The following KCTD16 variants were observed in gnomAD, a reference collection of about 807,000 sequenced individuals.
KCTD16 encodes the protein BTB/POZ domain-containing protein KCTD16.
Under a neutral mutation model 33.2 loss-of-function variants are expected in KCTD16, and 13 were observed. The observed-to-expected ratio is 0.39, with a 90% CI of 0.25 to 0.62. The LOEUF is 0.62. Among genes scored for constraint, KCTD16 ranks in the 20% least tolerant of loss-of-function variants. KCTD16 has a pLI of 0.50. For missense variants in KCTD16, 441 were observed against 525.1 expected (o/e 0.84, Z 1.57); for synonymous variants, 197 against 195.3 (o/e 1.01, Z -0.07).
At chr5:144,469,747 C>T (rs2126999707) in intron 3 of KCTD16, among the ~76,000 whole-genome samples, 1 of 152,076 alleles carries the variant, frequency 6.6e-6, no homozygotes, top group South Asian at 2.1e-4. Flanking sequence ...ACCTGCACTG[C>T]CATGTTATCA....
chr5:144,453,221 A>T (rs1397575554), intron 3 of KCTD16, among the ~76,000 whole-genome samples: 3 of 152,052 alleles, frequency 2.0e-5, no homozygotes, highest in African/African-American at 7.2e-5. Context: ...GGTGATGCCC[A>T]GGTTCCCTCC....
chr5:144,239,648 C>G (rs1754347716), intron 3 of KCTD16, among the ~76,000 whole-genome samples: 1 of 152,020 alleles, frequency 6.6e-6, no homozygotes, highest in Admixed American at 6.6e-5. Flanking sequence ...TTTCAAATGC[C>G]TACTTTGTGC....
intron 3 of KCTD16, among the ~76,000 whole-genome samples, chr5:144,433,173 A>T (rs1753502494): frequency 6.6e-6 from 1 of 152,188 alleles, no homozygotes; most frequent in South Asian, 2.1e-4. Context: ...GTCAGGAGTA[A>T]GAAAAATGTA....
chr5:144,461,388 C>T (rs1256156298), intron 3 of KCTD16, among the ~76,000 whole-genome samples: 3 of 152,110 alleles, frequency 2.0e-5, no homozygotes, highest in Admixed American at 6.5e-5. Flanking sequence ...ATGAAAGCAC[C>T]GTGTACCCAC....
chr5:144,470,474 A>G (rs1207885030), intron 3 of KCTD16, among the ~76,000 whole-genome samples: 3 of 152,160 alleles, frequency 2.0e-5, no homozygotes, highest in Non-Finnish European at 4.4e-5. Flanking sequence ...ATCCTATAAT[A>G]TTGGATCAGC....
chr5:144,420,387 C>G (rs757519544), intron 3 of KCTD16, among the ~76,000 whole-genome samples: 6 of 151,986 alleles, frequency 3.9e-5, no homozygotes, highest in Non-Finnish European at 8.8e-5. Flanking sequence ...CACATGTACC[C>G]TAGAACTTAA....
At chr5:144,265,644 A>G (rs1468334645) in intron 3 of KCTD16, among the ~76,000 whole-genome samples, 2 of 152,188 alleles carry the variant, frequency 1.3e-5, no homozygotes, top group Admixed American at 1.3e-4. Context: ...TGGTTCTTAG[A>G]ACACTCTTAA....
intron 3 of KCTD16, among the ~76,000 whole-genome samples, chr5:144,416,348 G>A (rs776237322): frequency 2.0e-5 from 3 of 152,176 alleles, no homozygotes; most frequent in African/African-American, 7.2e-5. Context: ...TTGGAAGATA[G>A]AAAAGGCAGA....
rs927612290 is a variant in KCTD16 at position 144,476,166 on chromosome 5, G to A, written c.*2052G>A. ...ACAGAAGATCTTGCAAAGAATCACA[G>A]AGCTTAATGGGTCAAGAAGTTGAAT... is the stretch of plus-strand genomic sequence containing the variant. On this transcript the variant is annotated 3_prime_UTR_variant, in exon 4 of 4. Transcript: ENST00000512467. 1 of 152,172 alleles carries A rather than the reference G, an allele frequency of 6.6e-6. No individual in the cohort carries two copies. The highest frequency in any genetic ancestry group is 6.5e-5 in the Admixed American group (1 of 15,268). 9.4% of individuals were successfully genotyped at this position (152,172 alleles called of 1,614,324 possible). A position where few individuals can be genotyped will look rare whatever the true frequency, so the allele number is the denominator to read the frequency against.
intron 3 of KCTD16, among the ~76,000 whole-genome samples, chr5:144,449,024 G>C (rs1753883990): frequency 6.6e-6 from 1 of 151,958 alleles, no homozygotes; most frequent in Non-Finnish European, 1.5e-5. Context: ...TTACCTTTTT[G>C]TGATGGAATT....
chr5:144,213,267 T>A (rs1232794101), intron 3 of KCTD16, among the ~76,000 whole-genome samples: 1 of 152,100 alleles, frequency 6.6e-6, no homozygotes, highest in Non-Finnish European at 1.5e-5. Flanking sequence ...ATATAACTTA[T>A]ATGCAACAAA....
At chr5:144,205,675 TC>T (rs1753148609) in intron 2 of KCTD16, 5 of 398,490 alleles carry the variant, frequency 1.3e-5, no homozygotes, top group Non-Finnish European at 2.2e-5. Flanking sequence ...TCCAAAGATT[TC>T]TTTTTCCATT....
At chr5:144,209,671 C>G (rs1462381438) in intron 3 of KCTD16, among the ~76,000 whole-genome samples, 1 of 151,460 alleles carries the variant, frequency 6.6e-6, no homozygotes, top group Non-Finnish European at 1.5e-5. Context: ...ATTCATCAAG[C>G]TGTTGTGCTC....
At chr5:144,432,278 C>A (rs1270461852) in intron 3 of KCTD16, among the ~76,000 whole-genome samples, 1 of 151,992 alleles carries the variant, frequency 6.6e-6, no homozygotes. Context: ...TGTTTAGCTC[C>A]TTTTATGTGG....
At chr5:144,345,657 G>C (rs1266964566) in intron 3 of KCTD16, among the ~76,000 whole-genome samples, 1 of 152,080 alleles carries the variant, frequency 6.6e-6, no homozygotes, top group Admixed American at 6.6e-5. Context: ...CCTGCTGTTA[G>C]GGAACTTAAA....
rs536557636 is a variant in KCTD16, at chr5:144,358,926, A to G, written c.833-114734A>G. Reference sequence around the variant, plus strand: ...AGGGCCAGGATTTCCCCATATGAGTATAGGGGGTGGATATAAACTATCTGA... The same window carrying G: ...AGGGCCAGGATTTCCCCATATGAGTGTAGGGGGTGGATATAAACTATCTGA... On this transcript the variant is annotated intron_variant, in intron 3 of 3. Transcript: ENST00000512467. Among the ~76,000 whole-genome samples, 11 of 152,272 alleles carry G rather than the reference A, an allele frequency of 7.2e-5. No individual in the cohort carries two copies. The East Asian group carries it at 2.1e-3, about 29-fold the overall frequency.
chr5:144,472,703 G>A (rs193289256), intron 3 of KCTD16, among the ~76,000 whole-genome samples: 194 of 152,200 alleles, frequency 1.3e-3, no homozygotes, highest in African/African-American at 4.5e-3. Flanking sequence ...AGGAGCTCAT[G>A]GCCTAGTAGC....
At chr5:144,341,519 T>A (rs2126899135) in intron 3 of KCTD16, among the ~76,000 whole-genome samples, 1 of 152,316 alleles carries the variant, frequency 6.6e-6, no homozygotes, top group East Asian at 1.9e-4. Context: ...TCAGTAAAGA[T>A]CTGAACATCT....
intron 3 of KCTD16, among the ~76,000 whole-genome samples, chr5:144,242,260 C>A (rs1465578192): frequency 2.6e-5 from 4 of 151,666 alleles, no homozygotes; most frequent in African/African-American, 9.7e-5. Flanking sequence ...AGACAGAGGT[C>A]ATGTTAGTCT....
Sources: allele counts gnomAD v4.1 joint callset (sites outside exome capture counted in the v4.1 genomes callset), GRCh38; gene constraint gnomAD v4.1.1; transcripts MANE v1.5; gene names NCBI Gene and HGNC (gene_info 2026-07-23, HGNC 2026-07-21).